The following RFESD variants were observed in gnomAD, a reference collection of about 807,000 sequenced individuals.
RFESD encodes the protein Rieske domain-containing protein.
RFESD carries 16 observed loss-of-function variants against 24.4 expected under a neutral mutation model. The observed-to-expected ratio is 0.66, with a 90% CI of 0.44 to 1.00. The LOEUF is 1.00. RFESD is among the 50% of genes least tolerant of loss of function. The pLI is 0.00. For missense variants in RFESD, 208 were observed against 247.0 expected, an observed-to-expected ratio of 0.84 and a Z score of 1.06; for synonymous variants, 59 against 81.8, an observed-to-expected ratio of 0.72 and a Z score of 1.50.
At chr5:95,648,999 A>G (rs1015950125) in intron 1 of RFESD, among the ~76,000 whole-genome samples, 54 of 149,992 alleles carry the variant, frequency 3.6e-4, no homozygotes, top group African/African-American at 1.1e-3. Flanking sequence ...CAAATAGTTA[A>G]TTCATGACCT....
rs145010549 is a variant in RFESD, at chr5:95,646,781, T to G, written c.-172T>G. ...ACGTCTGGAGCTCTGGCTCGTGCAG[T>G]AGCGTCACGCGGAGGCGGAGCGAGG... On this transcript the variant is annotated 5_prime_UTR_variant, in exon 1 of 6. Coordinates refer to ENST00000380005, the MANE Select transcript of RFESD (RefSeq NM_001131066.2). The G allele has an allele frequency of 6.6e-6, 1 of 152,324 alleles. No homozygotes were observed. The highest frequency in any genetic ancestry group is 2.4e-5 in the African/African-American group (1 of 41,572). 9.4% of individuals were successfully genotyped at this position (152,324 alleles called of 1,614,324 possible). A position where few individuals can be genotyped will look rare whatever the true frequency, so the allele number is the denominator to read the frequency against.
rs1750462275 is a variant in RFESD, at chr5:95,653,146, A to G, written c.90A>G (p.Ala30=). 6.4e-7 allele frequency: 1 copy of G among 1,551,636 alleles called. No individual in the cohort carries two copies. Reference sequence around the variant, plus strand: ...GAATTCTCTTCCCCAAGCTGTTGGCATGTCTAGTTCATTTGCATTTTGGGC... The same window carrying G: ...GAATTCTCTTCCCCAAGCTGTTGGCGTGTCTAGTTCATTTGCATTTTGGGC... ...QYGILFPKLL[A]CLVHLHFGHF... is the part of the protein sequence containing the mutation. The change falls in exon 3 of 6, where the codon GCA becomes GCG. Residue 30 remains alanine (A), a synonymous_variant. Coordinates refer to ENST00000380005, the MANE Select transcript of RFESD (RefSeq NM_001131066.2).
intron 1 of RFESD, among the ~76,000 whole-genome samples, chr5:95,651,644 A>T (rs1409927952): frequency 6.6e-6 from 1 of 152,126 alleles, no homozygotes; most frequent in Non-Finnish European, 1.5e-5. Context: ...TGATTTTCCC[A>T]CCCAGGCCTC....
Position 95,657,431 on chromosome 5 carries a change from T to C in RFESD, c.*1122T>C, listed in dbSNP as rs922384635. 9 of 150,754 alleles carry C rather than the reference T, an allele frequency of 6.0e-5. No homozygotes were observed. Among genetic ancestry groups the C allele is most frequent in the African/African-American group, 2.2e-4 (9 of 41,134 alleles). 9.3% of individuals were successfully genotyped at this position (150,754 alleles called of 1,614,324 possible). A position where few individuals can be genotyped will look rare whatever the true frequency, so the allele number is the denominator to read the frequency against. ...AGTGCTCATGCAAAAATCACCACTA[T>C]GTGGGACCAGAAATAGCTAAAATGA... On this transcript the variant is annotated 3_prime_UTR_variant, in exon 6 of 6. Transcript: ENST00000380005.
chr5:95,651,093 G>A (rs569853394), intron 1 of RFESD, among the ~76,000 whole-genome samples: 12 of 112,298 alleles, frequency 1.1e-4, no homozygotes, highest in African/African-American at 3.8e-4. Context: ...GTGAGACTCC[G>A]TCTCAAAAAA....
chr5:95,652,004 A>G, intron 1 of RFESD, 133 bp from the exon 2 acceptor site: 1 of 354,152 alleles, frequency 2.8e-6, no homozygotes. Context: ...ACAACTCTTT[A>G]TAGAACAACC....
rs1457498040 is a variant in RFESD, at chr5:95,653,912, C to A, written c.159-149C>A. 7 of 587,638 alleles carry A rather than the reference C, an allele frequency of 1.2e-5. No individual in the cohort carries two copies. In the East Asian group the frequency reaches 2.0e-4, roughly 17 times the overall value. 36.4% of individuals were successfully genotyped at this position (587,638 alleles called of 1,614,324 possible). The stretch of plus-strand genomic sequence containing the variant: ...GACTCTGTCTCAAAATAATAATAAT[C>A]TAGTATTTATAAATGTTTTATATAG... On this transcript the variant is annotated intron_variant, in intron 3 of 5. Transcript: ENST00000380005.
chr5:95,653,081 C>A (rs944471221), intron 2 of RFESD, 36 bp from the exon 3 acceptor site: 19 of 1,549,708 alleles, frequency 1.2e-5, no homozygotes, highest in Non-Finnish European at 1.7e-5. Flanking sequence ...CAAGACTTTT[C>A]TTTCCTTCAG....
intron 3 of RFESD, 74 bp from the exon 4 acceptor site, chr5:95,653,987 T>C: frequency 8.0e-7 from 1 of 1,249,514 alleles, no homozygotes. Flanking sequence ...TATTCATTCT[T>C]AGGGTTATCT....
In RFESD at chr5:95,652,176, AG is replaced by A; in HGVS notation, c.-95del. ...GCAATTCAAGGAGAATATAAGACAG[AG>A]AAGAAAGCTGTGAATGAATTTCATT... On this transcript the variant is annotated 5_prime_UTR_variant, in exon 2 of 6. Coordinates refer to ENST00000380005, the MANE Select transcript of RFESD (RefSeq NM_001131066.2). 7.0e-7 allele frequency: 1 copy of A among 1,433,572 alleles called. No homozygotes were observed. Among genetic ancestry groups the A allele is most frequent in the Non-Finnish European group, 9.3e-7 (1 of 1,075,500 alleles). The allele number at this position is 1,433,572 out of a possible 1,614,324, so 88.8% of individuals were successfully genotyped here. A position where few individuals can be genotyped will look rare whatever the true frequency, so the allele number is the denominator to read the frequency against.
chr5:95,652,938 C>A, intron 2 of RFESD, 179 bp from the exon 3 acceptor site: 1 of 780,526 alleles, frequency 1.3e-6, no homozygotes, highest in Non-Finnish European at 1.9e-6. Context: ...TCAATTCACA[C>A]TTTCCTGCTT....
chr5:95,656,345 C>A lies in RFESD; in HGVS notation c.*36C>A. ...ATAGAAATGAAAAATGTTGTGTATG[C>A]TTGAAAACATTTTTAGAATAACTCT... is the stretch of plus-strand genomic sequence containing the variant. On this transcript the variant is annotated 3_prime_UTR_variant, in exon 6 of 6. Transcript: ENST00000380005. 6.6e-7 allele frequency: 1 copy of A among 1,511,026 alleles called. No homozygotes were observed. The highest frequency in any genetic ancestry group is 9.0e-7 in the Non-Finnish European group (1 of 1,108,730). The allele number at this position is 1,511,026 out of a possible 1,614,324, so 93.6% of individuals were successfully genotyped here.
In RFESD at chr5:95,654,103, A is replaced by C; in HGVS notation, c.201A>C (p.Glu67Asp). Residue 67 changes from glutamate to aspartate, a missense_variant, in exon 4 of 6, where the codon GAA (glutamate) becomes GAC (aspartate). Transcript: ENST00000380005. ...DGSAQDPEKR[E>D]YSSVCVGRED... ...CTGCACAAGATCCTGAAAAGAGGGA[A>C]TATTCTTCTGTGTGTGTGGGCAGAG... 6.2e-7 allele frequency: 1 copy of C among 1,611,866 alleles called. No individual in the cohort carries two copies. The highest frequency in any genetic ancestry group is 1.3e-5 in the African/African-American group (1 of 74,960).
chr5:95,648,307 G>C (rs1052698495), intron 1 of RFESD, among the ~76,000 whole-genome samples: 1 of 152,142 alleles, frequency 6.6e-6, no homozygotes, highest in Non-Finnish European at 1.5e-5. Context: ...GAAACACAAC[G>C]ACTAAGTTTT....
rs1240383614 is a variant in RFESD at position 95,656,376 on chromosome 5, A to G, written c.*67A>G. 1.5e-6 allele frequency: 2 copies of G among 1,344,112 alleles called. No homozygotes were observed. The highest frequency in any genetic ancestry group is 2.9e-5 in the African/African-American group (2 of 68,528). The allele number at this position is 1,344,112 out of a possible 1,614,324, so 83.3% of individuals were successfully genotyped here. ...AACATTTTTAGAATAACTCTGCTTC[A>G]GTTTTAAAGGTGATGAAATTTTTCA... On this transcript the variant is annotated 3_prime_UTR_variant, in exon 6 of 6. Coordinates refer to ENST00000380005, the MANE Select transcript of RFESD (RefSeq NM_001131066.2).
chr5:95,655,835 A>G, intron 5 of RFESD: 1 of 500,242 alleles, frequency 2.0e-6, no homozygotes, highest in South Asian at 3.4e-5. Flanking sequence ...GTCTTCTGAT[A>G]GAGCTCTAAC....
At position 95,654,095 on chromosome 5, in the gene RFESD, AAG is replaced by A. The variant is rs1318432547; in HGVS notation, c.196_197del (p.Arg66GlyfsTer12). 2 of 1,611,612 alleles carry A rather than the reference AAG, an allele frequency of 1.2e-6. No individual in the cohort carries two copies. Among genetic ancestry groups the A allele is most frequent in the Non-Finnish European group, 1.7e-6 (2 of 1,179,816 alleles). ...TGATGGCTCTGCACAAGATCCTGAA[AAG>A]AGGGAATATTCTTCTGTGTGTGTGG... is the stretch of plus-strand genomic sequence containing the variant. ...NLDGSAQDPEKREYSSVCVGR... is the reference protein window; with the variant it reads ...NLDGSAQDPEXREYSSVCVGR... On this transcript the variant is annotated frameshift_variant, in exon 4 of 6. Transcript: ENST00000380005. LOFTEE classifies it high-confidence loss of function.
rs1303233246 is a variant in RFESD, at chr5:95,652,338, C to G, written c.60+7C>G. 1 of 1,549,858 alleles carries G rather than the reference C, an allele frequency of 6.5e-7. No individual in the cohort carries two copies. ...ATCTACACTTCCTCTCCAAGTGAGT[C>G]CATAGAATTCTATGACCTGGAAACT... On this transcript the variant is annotated splice_region_variant and intron_variant, in intron 2 of 5. Transcript: ENST00000380005.
At chr5:95,647,874 A>G (rs1302207876) in intron 1 of RFESD, 1 of 152,136 alleles carries the variant, frequency 6.6e-6, no homozygotes, top group Non-Finnish European at 1.5e-5. Flanking sequence ...TCCAAGCAGT[A>G]GGCATTTACT....
Sources: gnomAD v4.1 joint callset for allele counts (sites outside exome capture counted in the v4.1 genomes callset) on GRCh38, gnomAD v4.1.1 for gene constraint, MANE v1.5 for transcripts, NCBI Gene and HGNC (gene_info 2026-07-23, HGNC 2026-07-21) for gene names.